The following NEK5 variants were observed in gnomAD, a reference collection of about 807,000 sequenced individuals.
NEK5 encodes the protein NIMA related kinase 5, also known as serine/threonine-protein kinase Nek5.
NEK5 carries 88 observed loss-of-function variants against 109.2 expected under a neutral mutation model. The ratio of observed to expected loss-of-function variants is 0.81; its 90% confidence interval spans 0.68 to 0.96. The LOEUF is 0.96. NEK5 is among the 40% of genes least tolerant of loss of function. NEK5 has a pLI of 0.00. For missense variants in NEK5, 834 were observed against 920.7 expected (o/e 0.91, Z 1.22); for synonymous variants, 283 against 299.9 (o/e 0.94, Z 0.58).
intron 12 of NEK5, among the ~76,000 whole-genome samples, chr13:52,099,178 T>C (rs2137984490): frequency 6.6e-6 from 1 of 152,232 alleles, no homozygotes; most frequent in East Asian, 1.9e-4. Flanking sequence ...ATATACCCCA[T>C]AAATATATAC....
rs77138775 is a variant in NEK5 at position 52,038,825 on chromosome 13, G to T, written c.2229-1607C>A. On this transcript the variant is annotated intron_variant, in intron 23 of 23. Coordinates refer to ENST00000684899, the MANE Select transcript of NEK5 (RefSeq NM_001365552.1). ...AGGCATCAGAGCAAGACACTCATCT[G>T]AAAAAAAAAAAAAAAAAAAAGTGGT... 1.2e-4 allele frequency among the ~76,000 whole-genome samples: 11 copies of T among 94,554 alleles called. No individual in the cohort carries two copies. The South Asian group carries it at 1.6e-3, about 14-fold the overall frequency. 62.0% of individuals were successfully genotyped at this position (94,554 alleles called of 152,430 possible).
intron 22 of NEK5, among the ~76,000 whole-genome samples, chr13:52,053,473 A>G (rs1266489897): frequency 6.6e-6 from 1 of 151,938 alleles, no homozygotes; most frequent in Non-Finnish European, 1.5e-5. Context: ...AGCCCTCTGT[A>G]TTAACTTTTT....
intron 20 of NEK5, among the ~76,000 whole-genome samples, chr13:52,066,752 C>T (rs112570264): frequency 3.3e-5 from 5 of 150,424 alleles, no homozygotes; most frequent in African/African-American, 4.9e-5. Context: ...TGCAGTGAGC[C>T]GAGATCACGC....
intron 21 of NEK5, among the ~76,000 whole-genome samples, chr13:52,063,152 C>T (rs557433857): frequency 1.6e-3 from 237 of 152,200 alleles, no homozygotes; most frequent in Middle Eastern, 6.8e-3. Context: ...GTTGCCATCT[C>T]GGCTCACTGC....
intron 19 of NEK5, among the ~76,000 whole-genome samples, chr13:52,074,064 T>C (rs1354790462): frequency 2.0e-5 from 3 of 151,982 alleles, no homozygotes; most frequent in Non-Finnish European, 1.5e-5. Context: ...AAGTAATCTA[T>C]AGATTCAACA....
At chr13:52,081,954 T>G (rs1955021101) in intron 17 of NEK5, among the ~76,000 whole-genome samples, 1 of 152,230 alleles carries the variant, frequency 6.6e-6, no homozygotes, top group South Asian at 2.1e-4. Flanking sequence ...CCATTTCTAG[T>G]TGACTCTGGA....
At position 52,071,999 on chromosome 13, in the gene NEK5, CT is replaced by C. The variant is rs1467353133; in HGVS notation, c.1793del (p.Lys598ArgfsTer26). The C allele has an allele frequency of 1.2e-6, 2 of 1,610,582 alleles. No individual in the cohort carries two copies. Among genetic ancestry groups the C allele is most frequent in the Non-Finnish European group, 1.7e-6 (2 of 1,176,944 alleles). On this transcript the variant is annotated frameshift_variant, in exon 20 of 24. Transcript: ENST00000684899. LOFTEE classifies it high-confidence loss of function. ...CTTTGTCTGTATAATCTCCATGCTCCTTTACACATTCATATTCCTTAAACTT... is the reference window on the plus strand; with the variant it reads ...CTTTGTCTGTATAATCTCCATGCTCCTTACACATTCATATTCCTTAAACTT... The part of the protein sequence containing the change: ...GMKFKEYECV[K>X]EHGDYTDKAF...
At chr13:52,082,086 C>T (rs1427669182) in intron 17 of NEK5, among the ~76,000 whole-genome samples, 1 of 152,204 alleles carries the variant, frequency 6.6e-6, no homozygotes, top group African/African-American at 2.4e-5. Flanking sequence ...GAGGCTGAGG[C>T]AGGTGGATCA....
chr13:52,099,893 A>C lies in NEK5; in HGVS notation c.893-17T>G. 1 of 1,604,938 alleles carries C rather than the reference A, an allele frequency of 6.2e-7. No homozygotes were observed. Among genetic ancestry groups the C allele is most frequent in the Non-Finnish European group, 8.5e-7 (1 of 1,173,520 alleles). ...TTTTACACTCTTAATTAACCAAAAT[A>C]AAACAGCTTCAATTTTTTAAAAATT... On this transcript the variant is annotated splice_polypyrimidine_tract_variant and intron_variant, in intron 11 of 23. Transcript: ENST00000684899.
At chr13:52,118,592 T>C (rs551819245) in intron 4 of NEK5, among the ~76,000 whole-genome samples, 11 of 152,160 alleles carry the variant, frequency 7.2e-5, no homozygotes, top group African/African-American at 9.7e-5. Flanking sequence ...GGAGGCAGAA[T>C]TGTATTCAGA....
rs201832231 is a variant in NEK5 at position 52,065,452 on chromosome 13, T to A, written c.1975+32A>T. The A allele has an allele frequency of 1.3e-4, 208 of 1,614,164 alleles. No individual in the cohort carries two copies. The highest frequency in any genetic ancestry group is 1.3e-4 in the Non-Finnish European group (152 of 1,179,976). ...GGCTGTACGGGTCCTTGGTCTTCCC[T>A]TCCTGACGACTGACGCTAAGCACAG... On this transcript the variant is annotated intron_variant, in intron 21 of 23. Coordinates refer to ENST00000684899, the MANE Select transcript of NEK5 (RefSeq NM_001365552.1).
chr13:52,103,490 TTAA>T (rs770908934), intron 9 of NEK5, among the ~76,000 whole-genome samples: 48 of 152,226 alleles, frequency 3.2e-4, no homozygotes, highest in Non-Finnish European at 5.7e-4. Context: ...TTGACAATAA[TTAA>T]TAACAATGAT....
intron 23 of NEK5, among the ~76,000 whole-genome samples, chr13:52,038,815 A>T (rs921295768): frequency 5.4e-5 from 7 of 130,780 alleles, no homozygotes; most frequent in African/African-American, 1.7e-4. Flanking sequence ...TCAGAGCAAG[A>T]CACTCATCTG....
intron 3 of NEK5, among the ~76,000 whole-genome samples, chr13:52,125,120 G>C (rs1279465808): frequency 6.6e-6 from 1 of 152,214 alleles, no homozygotes; most frequent in Non-Finnish European, 1.5e-5. Flanking sequence ...ATTAATACTT[G>C]TTTTTGGGTA....
intron 21 of NEK5, among the ~76,000 whole-genome samples, chr13:52,063,573 A>C (rs1954634140): frequency 1.7e-5 from 2 of 120,824 alleles, no homozygotes; most frequent in African/African-American, 6.5e-5. Flanking sequence ...CTGGCTGCCC[A>C]GTCTGGAAAG....
intron 8 of NEK5, among the ~76,000 whole-genome samples, chr13:52,106,315 T>G (rs1363792530): frequency 6.6e-6 from 1 of 152,220 alleles, no homozygotes; most frequent in African/African-American, 2.4e-5. Context: ...TTGGGCATTT[T>G]TTCCTAAACA....
chr13:52,075,964 T>C (rs1335925143), intron 18 of NEK5, 99 bp downstream of exon 18: 3 of 934,628 alleles, frequency 3.2e-6, no homozygotes, highest in Non-Finnish European at 4.9e-6. Flanking sequence ...AGCAATTCTA[T>C]AAAATACTAG....
intron 12 of NEK5, among the ~76,000 whole-genome samples, chr13:52,095,491 G>A (rs567351198): frequency 9.8e-5 from 15 of 152,326 alleles, no homozygotes; most frequent in East Asian, 9.6e-4. Context: ...TCAACAGTTC[G>A]TAATTTAATT....
Position 52,127,470 on chromosome 13 carries a change from C to T in NEK5, c.13G>A (p.Asp5Asn), listed in dbSNP as rs375278667. 2.7e-5 allele frequency: 43 copies of T among 1,596,580 alleles called. No homozygotes were observed. The highest frequency in any genetic ancestry group is 3.7e-5 in the Non-Finnish European group (43 of 1,164,424). The change falls in exon 3 of 24, where the codon GAT (aspartate) becomes AAT (asparagine). Residue 5 changes from aspartate to asparagine, a missense_variant. Coordinates refer to ENST00000684899, the MANE Select transcript of NEK5 (RefSeq NM_001365552.1). Reference sequence around the variant, plus strand: ...CCTTGCCCGATGGCCTTAATCACATCGTACTTATCCATGGTCTCCAATGGG... The same window carrying T: ...CCTTGCCCGATGGCCTTAATCACATTGTACTTATCCATGGTCTCCAATGGG... The part of the protein sequence containing the change: MDKY[D>N]VIKAIGQGAF...
Sources: gnomAD v4.1 joint callset for allele counts (sites outside exome capture counted in the v4.1 genomes callset) on GRCh38, gnomAD v4.1.1 for gene constraint, MANE v1.5 for transcripts, NCBI Gene and HGNC (gene_info 2026-07-23, HGNC 2026-07-21) for gene names.